Variants in TMEM9 observed in about 807,000 individuals in gnomAD.
The protein encoded by TMEM9 is proton-transporting V-type ATPase complex assembly regulator TMEM9.
A neutral mutation model predicts 22.8 loss-of-function variants in TMEM9; 13 were observed. That is an observed-to-expected ratio of 0.57 (90% CI 0.37 to 0.91). The LOEUF (loss-of-function observed/expected upper bound fraction) is 0.91. TMEM9 is among the 40% of genes least tolerant of loss of function. TMEM9 has a pLI of 0.01. For missense variants in TMEM9, 182 were observed against 238.1 expected (o/e 0.76, Z 1.55); for synonymous variants, 88 against 93.0 (o/e 0.95, Z 0.31).
At chr1:201,151,983 C>T (rs1472709038) in intron 1 of TMEM9, 131 bp from the exon 2 acceptor site, 7 of 656,776 alleles carry the variant, frequency 1.1e-5, no homozygotes, top group Admixed American at 4.6e-5. Flanking sequence ...CTTGAGCTTT[C>T]TCCATCCCCA....
chr1:201,146,882 G>A (rs1277003596), intron 2 of TMEM9, 34 bp from the exon 3 acceptor site: 1 of 1,602,358 alleles, frequency 6.2e-7, no homozygotes, highest in Non-Finnish European at 8.5e-7. Context: ...GTCGAGGCAG[G>A]GCCACCACGT....
upstream of TMEM9, among the ~76,000 whole-genome samples, chr1:201,155,231 T>TGAGG (rs1238062096): frequency 6.6e-6 from 1 of 150,558 alleles, no homozygotes; most frequent in Non-Finnish European, 1.5e-5. Context: ...AAAAGATACC[T>TGAGG]CCCTTCTCTG....
intron 2 of TMEM9, 43 bp from the exon 3 acceptor site, chr1:201,146,891 G>T (rs1249481350): frequency 6.3e-7 from 1 of 1,575,604 alleles, no homozygotes; most frequent in Admixed American, 1.7e-5. Flanking sequence ...GGGCCACCAC[G>T]TCTTAGAGCC....
intron 1 of TMEM9, among the ~76,000 whole-genome samples, chr1:201,164,871 T>G (rs1443899086): frequency 6.6e-6 from 1 of 151,904 alleles, no homozygotes. Context: ...AAGACTCTAA[T>G]TGTCTTTGCT....
In TMEM9 at chr1:201,135,416, C is replaced by T. The variant is rs866711245; in HGVS notation, c.*247G>A. 10 of 381,712 alleles carry T rather than the reference C, an allele frequency of 2.6e-5. No individual in the cohort carries two copies. Among genetic ancestry groups the T allele is most frequent in the South Asian group, 6.6e-5 (1 of 15,240 alleles). The allele number at this position is 381,712 out of a possible 1,614,324, so 23.6% of individuals were successfully genotyped here. A position where few individuals can be genotyped will look rare whatever the true frequency, so the allele number is the denominator to read the frequency against. On this transcript the variant is annotated 3_prime_UTR_variant, in exon 5 of 5. Transcript: ENST00000367330. ...CTCGAATGTCTCCATTCCCTTCTGG[C>T]CTGCCTTCCCCCTCCCTTCAACCCC...
chr1:201,161,534 G>T (rs1040677855), intron 1 of TMEM9, among the ~76,000 whole-genome samples: 1 of 152,176 alleles, frequency 6.6e-6, no homozygotes, highest in African/African-American at 2.4e-5. Flanking sequence ...ATTGTATGTG[G>T]GATGCAAACT....
At chr1:201,144,752 A>T (rs1394533759) in intron 3 of TMEM9, 1 of 152,132 alleles carries the variant, frequency 6.6e-6, no homozygotes, top group African/African-American at 2.4e-5. Context: ...GGACCACAAA[A>T]GCACCTTCAC....
intron 1 of TMEM9, among the ~76,000 whole-genome samples, chr1:201,167,752 C>T (rs191848016): frequency 5.1e-4 from 78 of 152,274 alleles, no homozygotes; most frequent in Non-Finnish European, 9.3e-4. Context: ...TTAAGGGCAG[C>T]TTGAAGGCCA....
At chr1:201,140,523 C>T (rs1484181826) in intron 4 of TMEM9, among the ~76,000 whole-genome samples, 3 of 152,208 alleles carry the variant, frequency 2.0e-5, no homozygotes, top group Non-Finnish European at 4.4e-5. Context: ...TTTCATCTCC[C>T]TCCATGAACG....
At chr1:201,142,605 C>A (rs1664624273) in intron 4 of TMEM9, among the ~76,000 whole-genome samples, 1 of 152,246 alleles carries the variant, frequency 6.6e-6, no homozygotes, top group Non-Finnish European at 1.5e-5. Context: ...TCAACTAATT[C>A]TCTGAGGCCT....
intron 2 of TMEM9, among the ~76,000 whole-genome samples, chr1:201,150,191 C>T (rs1274089147): frequency 6.6e-6 from 1 of 152,164 alleles, no homozygotes; most frequent in Non-Finnish European, 1.5e-5. Context: ...AGGGCTAAGA[C>T]AGCCCATCTA....
intron 3 of TMEM9, chr1:201,145,787 C>T (rs1235891737): frequency 2.6e-5 from 4 of 152,114 alleles, no homozygotes; most frequent in African/African-American, 2.4e-5. Flanking sequence ...ACAGTGAGAC[C>T]CTGTCTCTAC....
At chr1:201,149,042 A>G (rs560405361) in intron 2 of TMEM9, among the ~76,000 whole-genome samples, 152 of 152,296 alleles carry the variant, frequency 1.0e-3, no homozygotes, top group African/African-American at 3.6e-3. Flanking sequence ...AGGTCATACC[A>G]GTATTGCAGT....
intron 4 of TMEM9, 105 bp downstream of exon 4, chr1:201,143,715 G>T (rs1367683862): frequency 2.6e-5 from 31 of 1,181,720 alleles, no homozygotes; most frequent in Non-Finnish European, 3.3e-5. Context: ...GCAACTTGAA[G>T]CATTTTGGGG....
At chr1:201,160,629 T>G (rs1284733124) in intron 1 of TMEM9, among the ~76,000 whole-genome samples, 1 of 55,542 alleles carries the variant, frequency 1.8e-5, no homozygotes, top group Non-Finnish European at 5.8e-5. Flanking sequence ...AAATTTTTTT[T>G]TTTTTTTTAA....
chr1:201,138,527 C>CG (rs1038176106), intron 4 of TMEM9, among the ~76,000 whole-genome samples: 9 of 152,274 alleles, frequency 5.9e-5, no homozygotes, highest in Non-Finnish European at 1.0e-4. Context: ...GCTGGGCCTC[C>CG]GGTTAACTCG....
chr1:201,142,098 C>T (rs924416046), intron 4 of TMEM9, among the ~76,000 whole-genome samples: 1 of 152,316 alleles, frequency 6.6e-6, no homozygotes, highest in Non-Finnish European at 1.5e-5. Context: ...TGAACACAGA[C>T]CACCCAACTG....
intron 1 of TMEM9, among the ~76,000 whole-genome samples, chr1:201,167,505 A>G (rs1666107799): frequency 6.6e-6 from 1 of 152,194 alleles, no homozygotes; most frequent in Non-Finnish European, 1.5e-5. Context: ...TGGGTTCTAC[A>G]ACAGTGACGT....
chr1:201,152,161 G>GGTGTGTGT (rs3222916), intron 1 of TMEM9, among the ~76,000 whole-genome samples: 23 of 149,960 alleles, frequency 1.5e-4, no homozygotes, highest in Middle Eastern at 3.2e-3. Context: ...AGGGGAAATG[G>GGTGTGTGT]GTGTGTGTGT....
Sources: allele counts gnomAD v4.1 joint callset (sites outside exome capture counted in the v4.1 genomes callset), GRCh38; gene constraint gnomAD v4.1.1; transcripts MANE v1.5; gene names NCBI Gene and HGNC (gene_info 2026-07-23, HGNC 2026-07-21).